Variants in ENOX2 observed in about 807,000 individuals in gnomAD.
ENOX2 encodes the protein ecto-NOX disulfide-thiol exchanger 2, also known as APK1 antigen.
ENOX2 carries 36 observed loss-of-function variants against 45.0 expected under a neutral mutation model. That is an observed-to-expected ratio of 0.80 (90% confidence interval 0.61 to 1.06). The LOEUF is 1.06. Ranked by LOEUF, ENOX2 falls within the 50% of genes least tolerant of loss-of-function variation. The pLI is 0.00. For missense variants in ENOX2, 423 were observed against 462.5 expected, an observed-to-expected ratio of 0.91 and a Z score of 0.78; for synonymous variants, 174 against 152.3, an observed-to-expected ratio of 1.14 and a Z score of -1.05.
At chrX:130,687,871 G>T (rs1314995926) in intron 5 of ENOX2, among the ~76,000 whole-genome samples, 3 of 112,012 alleles carry the variant, frequency 2.7e-5, no homozygotes, top group Non-Finnish European at 5.6e-5. Flanking sequence ...TAAAATCTGG[G>T]TCCCTGCCAG....
At chrX:130,683,792 T>C (rs1416224790) in intron 5 of ENOX2, among the ~76,000 whole-genome samples, 1 of 111,212 alleles carries the variant, frequency 9.0e-6, no homozygotes, top group Non-Finnish European at 1.9e-5. Context: ...AGGGCACTTA[T>C]TTTTTTCTTG....
intron 3 of ENOX2, among the ~76,000 whole-genome samples, chrX:130,708,104 T>C (rs750361663): frequency 4.5e-5 from 5 of 112,078 alleles, no homozygotes; most frequent in African/African-American, 6.5e-5. Flanking sequence ...ATAAGTGTTA[T>C]GAGCAAATAA....
rs1362525719 is a variant in ENOX2, at chrX:130,756,350, T to C, written c.-39+27197A>G. 4.5e-5 allele frequency among the ~76,000 whole-genome samples: 5 copies of C among 112,122 alleles called. No individual in the cohort carries two copies. In the East Asian group the frequency reaches 1.4e-3, roughly 31 times the overall value. ...TCCTGGGAAGGCTATTTATGGCTAT[T>C]GTATGTTTTTTGTGAAGACTGTCTA... On this transcript the variant is annotated intron_variant, in intron 3 of 14. Coordinates refer to ENST00000394363, the MANE Select transcript of ENOX2 (RefSeq NM_006375.4).
rs1874530863 is a variant in ENOX2 at position 130,806,208 on chromosome X, G to A, written c.-182-22518C>T. Reference sequence around the variant, plus strand: ...GGAAAAAATTGCAGGCTGCTACACCGGCAGCCTAGAACACCTTTTTAACTA... The same window carrying A: ...GGAAAAAATTGCAGGCTGCTACACCAGCAGCCTAGAACACCTTTTTAACTA... On this transcript the variant is annotated intron_variant, in intron 2 of 14. Transcript: ENST00000394363. Among the ~76,000 whole-genome samples the A allele has an allele frequency of 1.8e-5, 2 of 111,747 alleles. 1 individual carries two copies. Among genetic ancestry groups the A allele is most frequent in the Admixed American group, 1.9e-4 (2 of 10,559 alleles).
chrX:130,781,456 C>A (rs1321452655), intron 3 of ENOX2, among the ~76,000 whole-genome samples: 1 of 112,390 alleles, frequency 8.9e-6, no homozygotes, highest in African/African-American at 3.2e-5. Context: ...ACTTTGCTCT[C>A]ACTGAATGTG....
At chrX:130,855,261 A>C (rs1398845917) in intron 2 of ENOX2, among the ~76,000 whole-genome samples, 1 of 111,979 alleles carries the variant, frequency 8.9e-6, no homozygotes, top group Non-Finnish European at 1.9e-5. Context: ...ATATGTGGAC[A>C]CCGAAATTAA....
intron 3 of ENOX2, among the ~76,000 whole-genome samples, chrX:130,768,286 C>T (rs1264506640): frequency 9.0e-6 from 1 of 111,522 alleles, no homozygotes; most frequent in Non-Finnish European, 1.9e-5. Context: ...AAGCTGGGGG[C>T]AGGGAGCAGT....
intron 3 of ENOX2, among the ~76,000 whole-genome samples, chrX:130,750,026 C>T (rs2039180543): frequency 9.1e-6 from 1 of 110,275 alleles, no homozygotes; most frequent in African/African-American, 3.3e-5. Flanking sequence ...GTCTTTCTTT[C>T]TTCTCTCTCT....
At chrX:130,899,247 T>C (rs1280285438) in intron 2 of ENOX2, among the ~76,000 whole-genome samples, 1 of 112,404 alleles carries the variant, frequency 8.9e-6, no homozygotes, top group Non-Finnish European at 1.9e-5. Context: ...GTAGCAAATG[T>C]AGCAAACAGC....
intron 2 of ENOX2, among the ~76,000 whole-genome samples, chrX:130,896,784 T>C (rs1251603894): frequency 8.9e-6 from 1 of 112,164 alleles, no homozygotes; most frequent in African/African-American, 3.2e-5. Flanking sequence ...TTAGAAATCA[T>C]CCATTTTTGC....
intron 3 of ENOX2, among the ~76,000 whole-genome samples, chrX:130,715,757 C>A (rs1366182081): frequency 4.5e-5 from 5 of 111,403 alleles, no homozygotes; most frequent in Non-Finnish European, 9.4e-5. Flanking sequence ...CCTGGCCCAA[C>A]ATTTATTACC....
At chrX:130,646,224 C>A in intron 10 of ENOX2, 1 of 458,629 alleles carries the variant, frequency 2.2e-6, no homozygotes, top group South Asian at 2.8e-5. Context: ...TGTGCCTGGT[C>A]AAATGCAGGA....
At chrX:130,810,548 T>G (rs190366623) in intron 2 of ENOX2, among the ~76,000 whole-genome samples, 367 of 111,424 alleles carry the variant, frequency 3.3e-3, no homozygotes, top group African/African-American at 0.011. Context: ...ATTCCAGGCT[T>G]CAGACTAACC....
chrX:130,705,681 T>C (rs938303318), intron 3 of ENOX2, among the ~76,000 whole-genome samples: 2 of 111,767 alleles, frequency 1.8e-5, no homozygotes, highest in Non-Finnish European at 3.8e-5. Flanking sequence ...TCACCTCAAA[T>C]GCTACCTTGT....
chrX:130,625,591 T>C (rs1244134321), intron 14 of ENOX2, 146 bp from the exon 15 acceptor site: 2 of 550,504 alleles, frequency 3.6e-6, no homozygotes, highest in African/African-American at 4.7e-5. Flanking sequence ...CGCATTTGTG[T>C]GTGTTGGCAG....
At chrX:130,824,192 C>T (rs2077672712) in intron 2 of ENOX2, among the ~76,000 whole-genome samples, 1 of 111,685 alleles carries the variant, frequency 9.0e-6, no homozygotes, top group South Asian at 3.7e-4. Context: ...TACCTAGCTT[C>T]CTTTTTATTG....
At chrX:130,790,597 AG>A (rs1167993928) in intron 2 of ENOX2, among the ~76,000 whole-genome samples, 1 of 112,552 alleles carries the variant, frequency 8.9e-6, no homozygotes, top group Non-Finnish European at 1.9e-5. Context: ...TTGAGTCAAA[AG>A]GGCTGGCACT....
At chrX:130,809,534 A>C (rs1230645851) in intron 2 of ENOX2, among the ~76,000 whole-genome samples, 1 of 111,958 alleles carries the variant, frequency 8.9e-6, no homozygotes, top group East Asian at 2.8e-4. Flanking sequence ...CCCCAAAGTA[A>C]GCTTTATAAC....
chrX:130,766,903 G>C (rs2039631237), intron 3 of ENOX2, among the ~76,000 whole-genome samples: 1 of 111,984 alleles, frequency 8.9e-6, no homozygotes, highest in African/African-American at 3.2e-5. Context: ...TTTAGAAAAT[G>C]AAAGCTTAGA....
Sources: gnomAD v4.1 joint callset for allele counts (sites outside exome capture counted in the v4.1 genomes callset) on GRCh38, gnomAD v4.1.1 for gene constraint, MANE v1.5 for transcripts, NCBI Gene and HGNC (gene_info 2026-07-23, HGNC 2026-07-21) for gene names.